The following TM9SF3 variants were observed in gnomAD, a reference collection of about 807,000 sequenced individuals.
TM9SF3 encodes transmembrane 9 superfamily member 3.
In TM9SF3, 14 loss-of-function variants were observed where a neutral mutation model predicts 78.6. That is an observed-to-expected ratio of 0.18 (90% confidence interval 0.12 to 0.28). TM9SF3 has a LOEUF of 0.28. TM9SF3 is among the 10% of genes least tolerant of loss of function. The probability of loss-of-function intolerance (pLI) is 1.00; values close to 1 mark genes in which losing one functional copy is unlikely to be tolerated. For synonymous variants in TM9SF3, 231 were observed against 241.7 expected (o/e 0.96, Z 0.41); for missense variants, 496 against 721.9 (o/e 0.69, Z 3.59).
rs1384510716 is a variant in TM9SF3, at chr10:96,521,958, T to G, written c.*305A>C. The stretch of plus-strand genomic sequence containing the variant: ...GCTTTAAATAAACTATTTGTCCTCT[T>G]CACTGAAGAGAGCTGGTCTATTTCA... On this transcript the variant is annotated 3_prime_UTR_variant, in exon 15 of 15. Coordinates refer to ENST00000371142, the MANE Select transcript of TM9SF3 (RefSeq NM_020123.4). 2 of 296,166 alleles carry G rather than the reference T, an allele frequency of 6.8e-6. No individual in the cohort carries two copies. The highest frequency in any genetic ancestry group is 4.5e-5 in the African/African-American group (2 of 44,678). 18.3% of individuals were successfully genotyped at this position (296,166 alleles called of 1,614,324 possible). A position where few individuals can be genotyped will look rare whatever the true frequency, so the allele number is the denominator to read the frequency against.
intron 5 of TM9SF3, among the ~76,000 whole-genome samples, chr10:96,554,121 T>C (rs1016588304): frequency 2.0e-5 from 3 of 152,196 alleles, no homozygotes; most frequent in African/African-American, 7.2e-5. Flanking sequence ...TCTACAATGA[T>C]GTCTACTCCC....
chr10:96,576,995 T>C (rs1020779849), intron 1 of TM9SF3, among the ~76,000 whole-genome samples, 166 bp from the exon 2 acceptor site: 1 of 152,144 alleles, frequency 6.6e-6, no homozygotes, highest in Non-Finnish European at 1.5e-5. Flanking sequence ...ATCTTAAAAA[T>C]GAAACTTTGT....
chr10:96,545,105 A>G (rs531223671), intron 8 of TM9SF3, among the ~76,000 whole-genome samples: 2 of 152,310 alleles, frequency 1.3e-5, no homozygotes, highest in South Asian at 4.1e-4. Context: ...TTTTTTAACT[A>G]TGTAATAAAA....
At chr10:96,535,156 A>G (rs1847942331) in intron 9 of TM9SF3, among the ~76,000 whole-genome samples, 1 of 152,240 alleles carries the variant, frequency 6.6e-6, no homozygotes, top group Non-Finnish European at 1.5e-5. Flanking sequence ...TCAATTGCTT[A>G]GCATTTGTCA....
At chr10:96,547,650 T>C (rs1347159869) in intron 8 of TM9SF3, among the ~76,000 whole-genome samples, 4 of 152,024 alleles carry the variant, frequency 2.6e-5, no homozygotes, top group Non-Finnish European at 5.9e-5. Context: ...TGAAATCTCA[T>C]CTCTACTAAA....
At chr10:96,525,452 C>T (rs998167368) in intron 14 of TM9SF3, among the ~76,000 whole-genome samples, 3 of 151,958 alleles carry the variant, frequency 2.0e-5, no homozygotes, top group Middle Eastern at 3.4e-3. Context: ...TTTGTGTGTG[C>T]GCACACACAT....
intron 2 of TM9SF3, among the ~76,000 whole-genome samples, chr10:96,574,387 C>T (rs1848473227): frequency 6.6e-6 from 1 of 152,114 alleles, no homozygotes; most frequent in African/African-American, 2.4e-5. Flanking sequence ...CTACCTTATA[C>T]CAGTTAGAAT....
At chr10:96,552,852 T>G in intron 6 of TM9SF3, 76 bp downstream of exon 6, 16 of 1,318,046 alleles carry the variant, frequency 1.2e-5, no homozygotes, top group South Asian at 2.3e-5. Flanking sequence ...TAAGAAATTA[T>G]GACCTACCTC....
At chr10:96,563,814 A>C (rs1223875279) in intron 3 of TM9SF3, among the ~76,000 whole-genome samples, 2 of 152,090 alleles carry the variant, frequency 1.3e-5, no homozygotes, top group Non-Finnish European at 2.9e-5. Flanking sequence ...CCCCACGAAA[A>C]GTCAGGTACA....
chr10:96,534,508 AC>A (rs34939843), intron 9 of TM9SF3, among the ~76,000 whole-genome samples: 26,686 of 152,120 alleles, frequency 0.18, 2,592 homozygotes, highest in Admixed American at 0.29. Flanking sequence ...TTTCTTAATA[AC>A]TACAAGACTC....
At chr10:96,552,727 C>A (rs1313606805) in intron 6 of TM9SF3, among the ~76,000 whole-genome samples, 1 of 152,016 alleles carries the variant, frequency 6.6e-6, no homozygotes, top group Non-Finnish European at 1.5e-5. Flanking sequence ...CTTATGTTTT[C>A]CTGAAAAAAA....
chr10:96,559,009 T>A (rs1393057047), intron 5 of TM9SF3, among the ~76,000 whole-genome samples: 1 of 152,176 alleles, frequency 6.6e-6, no homozygotes, highest in African/African-American at 2.4e-5. Context: ...ACACTAATGC[T>A]ACCGGCTTTA....
chr10:96,573,910 A>T (rs184040347), intron 2 of TM9SF3, among the ~76,000 whole-genome samples: 176 of 152,332 alleles, frequency 1.2e-3, no homozygotes, highest in Non-Finnish European at 2.4e-3. Context: ...CTTACACCTT[A>T]AGCAAAAATT....
chr10:96,537,803 A>G (rs1010176873), intron 9 of TM9SF3, among the ~76,000 whole-genome samples: 1 of 152,246 alleles, frequency 6.6e-6, no homozygotes, highest in African/African-American at 2.4e-5. Flanking sequence ...CACCAACAGA[A>G]TAATATGAAA....
At chr10:96,539,444 T>C (rs1490057526) in intron 9 of TM9SF3, among the ~76,000 whole-genome samples, 2 of 152,180 alleles carry the variant, frequency 1.3e-5, no homozygotes, top group African/African-American at 4.8e-5. Flanking sequence ...CTGTATGAGC[T>C]ACCATTTAAA....
chr10:96,586,946 A>AGACGCACGGGGCCCGGCCC lies in TM9SF3; in HGVS notation c.-130_-112dup. Reference sequence around the variant, plus strand: ...CGATTCGCATCCACGGGGCGCGGACAGACGCACGGGGCCCGGCCCAGCCGC... The same window carrying AGACGCACGGGGCCCGGCCC: ...CGATTCGCATCCACGGGGCGCGGACAGACGCACGGGGCCCGGCCCGACGCACGGGGCCCGGCCCAGCCGC... On this transcript the variant is annotated 5_prime_UTR_variant, in exon 1 of 15. Coordinates refer to ENST00000371142, the MANE Select transcript of TM9SF3 (RefSeq NM_020123.4). 1.1e-6 allele frequency: 1 copy of AGACGCACGGGGCCCGGCCC among 881,108 alleles called. No individual in the cohort carries two copies. Among genetic ancestry groups the AGACGCACGGGGCCCGGCCC allele is most frequent in the Non-Finnish European group, 1.4e-6 (1 of 698,432 alleles). The allele number at this position is 881,108 out of a possible 1,614,324, so 54.6% of individuals were successfully genotyped here. A position where few individuals can be genotyped will look rare whatever the true frequency, so the allele number is the denominator to read the frequency against.
intron 11 of TM9SF3, among the ~76,000 whole-genome samples, chr10:96,530,160 G>C (rs1489202349): frequency 6.6e-6 from 1 of 152,258 alleles, no homozygotes. Context: ...TCAGGGCCTA[G>C]ACGGACTAGT....
chr10:96,558,261 G>A (rs771768677), intron 5 of TM9SF3, among the ~76,000 whole-genome samples: 1 of 152,004 alleles, frequency 6.6e-6, no homozygotes, highest in Non-Finnish European at 1.5e-5. Context: ...TTATACTCGA[G>A]GAGAACACAC....
chr10:96,571,488 A>G (rs1302085437), intron 2 of TM9SF3, among the ~76,000 whole-genome samples: 2 of 152,188 alleles, frequency 1.3e-5, no homozygotes, highest in African/African-American at 4.8e-5. Flanking sequence ...CGGCTGAATA[A>G]GTAAACCTAC....
Sources: allele counts gnomAD v4.1 joint callset (sites outside exome capture counted in the v4.1 genomes callset), GRCh38; gene constraint gnomAD v4.1.1; transcripts MANE v1.5; gene names NCBI Gene and HGNC (gene_info 2026-07-23, HGNC 2026-07-21).